SNAP29: variants seen among roughly 807,000 people sequenced by gnomAD.
SNAP29 encodes synaptosome associated protein 29.
Under a neutral mutation model 27.9 loss-of-function variants are expected in SNAP29, and 13 were observed. The ratio of observed to expected loss-of-function variants is 0.47; its 90% CI spans 0.30 to 0.74. SNAP29 has a LOEUF of 0.74. SNAP29 is among the 30% of genes least tolerant of loss of function. The pLI is 0.06. For missense variants in SNAP29, 368 were observed against 336.5 expected, an observed-to-expected ratio of 1.09 and a Z score of -0.73; for synonymous variants, 119 against 127.1, an observed-to-expected ratio of 0.94 and a Z score of 0.43.
At position 20,884,112 on chromosome 22, in the gene SNAP29, C is replaced by T. The variant is rs376557379; in HGVS notation, c.619+543C>T. On this transcript the variant is annotated intron_variant, in intron 4 of 4. Transcript: ENST00000215730. ...CTTTGGGAGGCCAAGGCGGGTGGAT[C>T]ACCCGAGGTCAGGAGTTCAAGACCA... Among the ~76,000 whole-genome samples, 56 of 152,214 alleles carry T rather than the reference C, an allele frequency of 3.7e-4. 1 individual carries two copies. The highest frequency in any genetic ancestry group is 1.3e-3 in the African/African-American group (55 of 41,538).
intron 1 of SNAP29, among the ~76,000 whole-genome samples, chr22:20,860,754 TA>T (rs1464208429): frequency 1.3e-5 from 2 of 152,236 alleles, no homozygotes; most frequent in East Asian, 1.9e-4. Flanking sequence ...AAAAAAGGTT[TA>T]AAAAAATGTA....
Position 20,889,174 on chromosome 22 carries a change from G to C in SNAP29, c.*1338G>C, listed in dbSNP as rs1929093726. The C allele has an allele frequency of 6.6e-6, 1 of 152,150 alleles. No homozygotes were observed. Among genetic ancestry groups the C allele is most frequent in the Non-Finnish European group, 1.5e-5 (1 of 68,040 alleles). 9.4% of individuals were successfully genotyped at this position (152,150 alleles called of 1,614,324 possible). The stretch of plus-strand genomic sequence containing the variant: ...AACAGTGCCTTTGACCTTAAAACAT[G>C]GCACTGGCCCATGTGACCTTTGCCA... On this transcript the variant is annotated 3_prime_UTR_variant, in exon 5 of 5. Coordinates refer to ENST00000215730, the MANE Select transcript of SNAP29 (RefSeq NM_004782.4).
Position 20,883,583 on chromosome 22 carries a change from C to T in SNAP29, c.619+14C>T. On this transcript the variant is annotated intron_variant, in intron 4 of 4. Transcript: ENST00000215730. The stretch of plus-strand genomic sequence containing the variant: ...ACAGCAACCTAGGTAAGACTGAGCA[C>T]CACACCAGCTTCTGTAAGCCACTGT... 1 of 1,544,490 alleles carries T rather than the reference C, an allele frequency of 6.5e-7. No individual in the cohort carries two copies. Among genetic ancestry groups the T allele is most frequent in the Non-Finnish European group, 9.0e-7 (1 of 1,116,930 alleles).
chr22:20,881,977 T>A (rs1184917575), intron 3 of SNAP29, among the ~76,000 whole-genome samples: 1 of 151,942 alleles, frequency 6.6e-6, no homozygotes, highest in African/African-American at 2.4e-5. Flanking sequence ...ATCACAAAGG[T>A]CCCTTTTAAG....
Position 20,859,122 on chromosome 22 carries a change from C to T in SNAP29, c.12C>T (p.Tyr4=). 2 of 1,607,106 alleles carry T rather than the reference C, an allele frequency of 1.2e-6. No homozygotes were observed. The highest frequency in any genetic ancestry group is 1.7e-6 in the Non-Finnish European group (2 of 1,177,458). MSA[Y]PKSYNPFDDD... The stretch of plus-strand genomic sequence containing the variant: ...GCCGCGCCGGCACCATGTCAGCTTA[C>T]CCTAAAAGCTACAATCCGTTCGACG... The change falls in exon 1 of 5, where the codon TAC becomes TAT. Residue 4 remains tyrosine (Y), a synonymous_variant. Coordinates refer to ENST00000215730, the MANE Select transcript of SNAP29 (RefSeq NM_004782.4).
At chr22:20,876,568 CTTTT>C (rs144163820) in intron 2 of SNAP29, among the ~76,000 whole-genome samples, 2 of 117,140 alleles carry the variant, frequency 1.7e-5, no homozygotes, top group Admixed American at 9.1e-5. Flanking sequence ...CACTTAAAAG[CTTTT>C]TTTTTTTTTT....
chr22:20,868,184 G>A (rs1387143711), intron 1 of SNAP29, among the ~76,000 whole-genome samples: 1 of 152,236 alleles, frequency 6.6e-6, no homozygotes, highest in Non-Finnish European at 1.5e-5. Context: ...AGAAATGCCA[G>A]ATACATTAGC....
At chr22:20,882,478 A>G (rs1274426642) in intron 3 of SNAP29, among the ~76,000 whole-genome samples, 1 of 152,134 alleles carries the variant, frequency 6.6e-6, no homozygotes. Context: ...TGCTGCCTTC[A>G]AGAAAACGAT....
chr22:20,863,719 G>A (rs1928389694), intron 1 of SNAP29, among the ~76,000 whole-genome samples: 2 of 152,060 alleles, frequency 1.3e-5, no homozygotes, highest in South Asian at 4.2e-4. Flanking sequence ...CAATCACATG[G>A]TTCAAAATTT....
chr22:20,861,491 G>A (rs556599126), intron 1 of SNAP29, among the ~76,000 whole-genome samples: 2 of 152,174 alleles, frequency 1.3e-5, no homozygotes, highest in Non-Finnish European at 2.9e-5. Context: ...AGGCTGGAGT[G>A]CGATGGTGTG....
At chr22:20,871,482 TAAAAAAAAAAAA>T (rs58294079) in intron 2 of SNAP29, among the ~76,000 whole-genome samples, 1 of 64,130 alleles carries the variant, frequency 1.6e-5, no homozygotes, top group Admixed American at 1.9e-4. Context: ...TCCCTGTCTC[TAAAAAAAAAAAA>T]AAAAAAAAAA....
At chr22:20,872,069 G>C (rs1242359097) in intron 2 of SNAP29, among the ~76,000 whole-genome samples, 1 of 152,054 alleles carries the variant, frequency 6.6e-6, no homozygotes, top group Non-Finnish European at 1.5e-5. Flanking sequence ...CACAAAAACA[G>C]AAAATTTCAT....
chr22:20,859,445 T>A, intron 1 of SNAP29, 98 bp downstream of exon 1: 1 of 925,008 alleles, frequency 1.1e-6, no homozygotes, highest in Non-Finnish European at 1.8e-6. Flanking sequence ...AATTCTCAAG[T>A]TGCCTAGCAT....
rs165863 is a variant in SNAP29 at position 20,872,469 on chromosome 22, C to A, written c.434+1936C>A. Among the ~76,000 whole-genome samples the A allele has an allele frequency of 5.9e-3, 896 of 151,586 alleles. 8 individuals carry two copies. The highest frequency in any genetic ancestry group is 0.055 in the East Asian group (280 of 5,098). On this transcript the variant is annotated intron_variant, in intron 2 of 4. Transcript: ENST00000215730. ...AGGCTGGAGTGCAGTGGTGCGATCT[C>A]GGCTCACTGCAAGCTCCGCCTCCCG...
At chr22:20,877,135 C>G (rs1928766401) in intron 2 of SNAP29, among the ~76,000 whole-genome samples, 1 of 152,214 alleles carries the variant, frequency 6.6e-6, no homozygotes, top group Non-Finnish European at 1.5e-5. Context: ...TAGAAATTGG[C>G]TTTCTTGGCT....
intron 1 of SNAP29, among the ~76,000 whole-genome samples, chr22:20,860,776 G>A (rs1268247569): frequency 1.3e-5 from 2 of 152,130 alleles, no homozygotes; most frequent in Non-Finnish European, 2.9e-5. Context: ...TAAGCCAGGC[G>A]CGGTTGTACT....
intron 1 of SNAP29, chr22:20,859,585 A>C: frequency 3.8e-6 from 2 of 522,940 alleles, no homozygotes; most frequent in Admixed American, 3.6e-5. Flanking sequence ...TGCTTCGTTG[A>C]TTTTTTTTTT....
chr22:20,870,709 C>T, intron 2 of SNAP29, 176 bp downstream of exon 2: 2 of 680,290 alleles, frequency 2.9e-6, no homozygotes, highest in Admixed American at 2.1e-5. Context: ...TTCCCTGATC[C>T]CATGTTCACT....
At chr22:20,884,222 A>G (rs556990144) in intron 4 of SNAP29, among the ~76,000 whole-genome samples, 1 of 151,912 alleles carries the variant, frequency 6.6e-6, no homozygotes, top group South Asian at 2.1e-4. Context: ...AATCCCAGCT[A>G]TCGGGTGGCT....
Sources: gnomAD v4.1 joint callset for allele counts (sites outside exome capture counted in the v4.1 genomes callset) on GRCh38, gnomAD v4.1.1 for gene constraint, MANE v1.5 for transcripts, NCBI Gene and HGNC (gene_info 2026-07-23, HGNC 2026-07-21) for gene names.